ZNF276: variants seen among roughly 807,000 people sequenced by gnomAD.
ZNF276 encodes the protein zinc finger protein 276, also known as centromere protein Z.
A neutral mutation model predicts 63.9 loss-of-function variants in ZNF276; 59 were observed. The observed-to-expected ratio is 0.92, with a 90% CI of 0.75 to 1.15. The LOEUF (loss-of-function observed/expected upper bound fraction) is 1.15, where lower values mean the gene tolerates loss of function less well. Among genes scored for constraint, ZNF276 ranks in the 50% most tolerant of loss-of-function variants. ZNF276 has a pLI of 0.00. For synonymous variants in ZNF276, 496 were observed against 348.4 expected, an observed-to-expected ratio of 1.42 and a Z score of -4.72; for missense variants, 1,084 against 843.8, an observed-to-expected ratio of 1.28 and a Z score of -3.53.
Position 89,722,730 on chromosome 16 carries a change from C to T in ZNF276, c.405C>T (p.Val135=), listed in dbSNP as rs1427539289. Residue 135 remains valine (V), a synonymous_variant, in exon 2 of 11, where the codon GTC becomes GTT. Coordinates refer to ENST00000443381, the MANE Select transcript of ZNF276 (RefSeq NM_001113525.2). ...VRQDPTLSPF[V]CKSCHAQFYQ... The stretch of plus-strand genomic sequence containing the variant: ...AGGACCCCACCTTGTCTCCGTTTGT[C>T]TGCAAGAGCTGCCACGCCCAGTTCT... 7.4e-6 allele frequency: 12 copies of T among 1,612,018 alleles called. No individual in the cohort carries two copies. Among genetic ancestry groups the T allele is most frequent in the South Asian group, 1.1e-5 (1 of 91,092 alleles).
At chr16:89,732,955 C>T in intron 6 of ZNF276, 1 of 357,192 alleles carries the variant, frequency 2.8e-6, no homozygotes, top group Non-Finnish European at 5.3e-6. Context: ...TCATCCTCTG[C>T]TGTGCCCTCC....
intron 2 of ZNF276, 87 bp from the exon 3 acceptor site, chr16:89,723,050 G>A: frequency 6.2e-7 from 1 of 1,610,504 alleles, no homozygotes; most frequent in Admixed American, 1.7e-5. Flanking sequence ...GACCGCTGAG[G>A]TTTGAGATCT....
At chr16:89,721,980 C>G in intron 1 of ZNF276, 135 bp downstream of exon 1, 1 of 616,674 alleles carries the variant, frequency 1.6e-6, no homozygotes, top group Non-Finnish European at 2.3e-6. Context: ...GGGGCTGCGT[C>G]GGGATAGGCG....
At chr16:89,720,696 C>G (rs2061238473), upstream of ZNF276, 3 of 1,321,470 alleles carry the variant, frequency 2.3e-6, no homozygotes, top group Middle Eastern at 2.8e-4. Context: ...CGTCCTCGCC[C>G]TCCCCGGGCG....
chr16:89,733,055 G>A lies in ZNF276; in HGVS notation c.1170-247G>A, dbSNP rs556989425. On this transcript the variant is annotated intron_variant, in intron 6 of 10. Transcript: ENST00000443381. The stretch of plus-strand genomic sequence containing the variant: ...TGACCCTGCTGTACCCTGCGCCCTC[G>A]CCCTCTGCTGTGTTCACCCCTGACC... 557 of 489,744 alleles carry A rather than the reference G, an allele frequency of 1.1e-3. 3 individuals are homozygous for A. The highest frequency in any genetic ancestry group is 0.011 in the African/African-American group (475 of 45,200). 30.3% of individuals were successfully genotyped at this position (489,744 alleles called of 1,614,324 possible).
chr16:89,727,872 G>A (rs532660434), intron 5 of ZNF276, among the ~76,000 whole-genome samples: 63 of 152,332 alleles, frequency 4.1e-4, no homozygotes, highest in Non-Finnish European at 6.5e-4. Flanking sequence ...GAGGCTCTGC[G>A]AGGAGGTGTT....
At position 89,721,748 on chromosome 16, in the gene ZNF276, T is replaced by G; in HGVS notation, c.108T>G (p.Leu36=). ...GCCGGACTCGGGGCCGCCCTTCCCT[T>G]AGCGGTGGGCCGAGGGTGGACGGGG... ...GVSRTRGRPS[L]SGGPRVDGAT... Residue 36 remains leucine, a synonymous_variant, in exon 1 of 11, where the codon CTT becomes CTG. Transcript: ENST00000443381. 2.3e-6 allele frequency: 3 copies of G among 1,320,030 alleles called. No individual in the cohort carries two copies. Among genetic ancestry groups the G allele is most frequent in the Non-Finnish European group, 2.9e-6 (3 of 1,037,254 alleles). The allele number at this position is 1,320,030 out of a possible 1,614,324, so 81.8% of individuals were successfully genotyped here.
rs2082323135 is a variant in ZNF276, at chr16:89,727,201, G to C, written c.1007-78G>C. 4 of 1,431,294 alleles carry C rather than the reference G, an allele frequency of 2.8e-6. No homozygotes were observed. In the African/African-American group the frequency reaches 4.2e-5, roughly 15 times the overall value. 88.7% of individuals were successfully genotyped at this position (1,431,294 alleles called of 1,614,324 possible). On this transcript the variant is annotated intron_variant, in intron 4 of 10. Transcript: ENST00000443381. ...CCAGTCTCCCTTCTAGTCATCAATA[G>C]TAGAATCATGCCTCCTTGCAGGTGA...
At chr16:89,721,295 C>G (rs2061261364), upstream of ZNF276, 1 of 250,140 alleles carries the variant, frequency 4.0e-6, no homozygotes, top group South Asian at 1.6e-4. Context: ...CGGTGAGGGC[C>G]GCGTCGCCTC....
In ZNF276 at chr16:89,738,917, G is replaced by A. The variant is rs139478274; in HGVS notation, c.*671G>A. 147 of 1,614,258 alleles carry A rather than the reference G, an allele frequency of 9.1e-5. No homozygotes were observed. The highest frequency in any genetic ancestry group is 6.0e-4 in the East Asian group (27 of 44,890). Reference sequence around the variant, plus strand: ...TGTGAGAAGCTCTTTTTCGGGCACCGAGGTATTAACTGCAGCAGAAAAAGA... The same window carrying A: ...TGTGAGAAGCTCTTTTTCGGGCACCAAGGTATTAACTGCAGCAGAAAAAGA... On this transcript the variant is annotated 3_prime_UTR_variant, in exon 11 of 11. Coordinates refer to ENST00000443381, the MANE Select transcript of ZNF276 (RefSeq NM_001113525.2).
intron 6 of ZNF276, 194 bp from the exon 7 acceptor site, chr16:89,733,108 G>C (rs1235555041): frequency 1.8e-5 from 11 of 612,918 alleles, no homozygotes; most frequent in Non-Finnish European, 2.9e-5. Flanking sequence ...CTTGCCCTCT[G>C]CTGTGCTCGC....
intron 5 of ZNF276, among the ~76,000 whole-genome samples, chr16:89,727,882 T>G (rs1046215138): frequency 6.6e-6 from 1 of 152,250 alleles, no homozygotes; most frequent in African/African-American, 2.4e-5. Flanking sequence ...GAGGAGGTGT[T>G]GCAGGAGGAC....
rs372268907 is a variant in ZNF276, at chr16:89,738,716, A to G, written c.*470A>G. On this transcript the variant is annotated 3_prime_UTR_variant, in exon 11 of 11. Coordinates refer to ENST00000443381, the MANE Select transcript of ZNF276 (RefSeq NM_001113525.2). ...CCCACGATCAGCCAGCAGCTGTGAG[A>G]GAGGAGCAGGTCCTCAGCCCATGCC... 6.2e-7 allele frequency: 1 copy of G among 1,613,746 alleles called. No individual in the cohort carries two copies. The highest frequency in any genetic ancestry group is 8.5e-7 in the Non-Finnish European group (1 of 1,179,896).
intron 6 of ZNF276, 59 bp from the exon 7 acceptor site, chr16:89,733,243 A>G (rs757878843): frequency 4.6e-6 from 7 of 1,513,624 alleles, no homozygotes; most frequent in Non-Finnish European, 6.4e-6. Context: ...TGGAGAGACA[A>G]AAAACATTTT....
Position 89,722,523 on chromosome 16 carries a change from C to G in ZNF276, c.206-8C>G, listed in dbSNP as rs765092085. 6.2e-7 allele frequency: 1 copy of G among 1,602,140 alleles called. No homozygotes were observed. The highest frequency in any genetic ancestry group is 1.3e-5 in the African/African-American group (1 of 74,748). ...CCAGCTGCTAACACTTCCTGCCGCT[C>G]TGTGCAGGAGCAGGCCGGGCTCTCG... On this transcript the variant is annotated splice_region_variant and splice_polypyrimidine_tract_variant and intron_variant, in intron 1 of 10. Coordinates refer to ENST00000443381, the MANE Select transcript of ZNF276 (RefSeq NM_001113525.2).
chr16:89,739,396 C>G lies in ZNF276; in HGVS notation c.*1150C>G. ...GGAGCAGAGGCACAGACAACCCTTC[C>G]CATCTGGCGGGACCCAGAGGTGCTG... is the stretch of plus-strand genomic sequence containing the variant. On this transcript the variant is annotated 3_prime_UTR_variant, in exon 11 of 11. Transcript: ENST00000443381. 1 of 1,569,596 alleles carries G rather than the reference C, an allele frequency of 6.4e-7. No homozygotes were observed.
chr16:89,722,047 C>A (rs1348777811), intron 1 of ZNF276, among the ~76,000 whole-genome samples: 1 of 152,110 alleles, frequency 6.6e-6, no homozygotes, highest in Non-Finnish European at 1.5e-5. Context: ...GCCGGCCCGG[C>A]CTCCCCGGCC....
At chr16:89,737,001 T>G (rs577826813) in intron 9 of ZNF276, among the ~76,000 whole-genome samples, 1 of 152,206 alleles carries the variant, frequency 6.6e-6, no homozygotes, top group Admixed American at 6.5e-5. Context: ...TTGACAGATG[T>G]GGAGGCAGCA....
At chr16:89,722,233 C>A (rs990813405) in intron 1 of ZNF276, among the ~76,000 whole-genome samples, 3 of 152,236 alleles carry the variant, frequency 2.0e-5, no homozygotes, top group Admixed American at 1.3e-4. Context: ...GAGGGCGCAG[C>A]GCCTGCCCCG....
Sources: gnomAD v4.1 joint callset for allele counts (sites outside exome capture counted in the v4.1 genomes callset) on GRCh38, gnomAD v4.1.1 for gene constraint, MANE v1.5 for transcripts, NCBI Gene and HGNC (gene_info 2026-07-23, HGNC 2026-07-21) for gene names.